The following MRTFB variants were observed in gnomAD, a reference collection of about 807,000 sequenced individuals.
The protein encoded by MRTFB is myocardin-related transcription factor B.
In MRTFB, 29 loss-of-function variants were observed where a neutral mutation model predicts 104.2. That is an observed-to-expected ratio of 0.28 (90% CI 0.21 to 0.38). The LOEUF is 0.38. Among genes scored for constraint, MRTFB ranks in the 10% least tolerant of loss-of-function variants. The probability of loss-of-function intolerance (pLI) is 1.00; values close to 1 mark genes in which losing one functional copy is unlikely to be tolerated. For missense variants in MRTFB, 1,270 were observed against 1,341.6 expected, an observed-to-expected ratio of 0.95 and a Z score of 0.83; for synonymous variants, 535 against 519.5, an observed-to-expected ratio of 1.03 and a Z score of -0.41.
chr16:14,175,210 G>A (rs983096059), intron 3 of MRTFB, among the ~76,000 whole-genome samples: 3 of 152,110 alleles, frequency 2.0e-5, no homozygotes, highest in Non-Finnish European at 4.4e-5. Context: ...AAGGATTCAA[G>A]TTGAAGAATT....
At chr16:14,077,643 T>G (rs1282255485) in intron 1 of MRTFB, among the ~76,000 whole-genome samples, 1 of 152,106 alleles carries the variant, frequency 6.6e-6, no homozygotes, top group Non-Finnish European at 1.5e-5. Flanking sequence ...TAAAATCTAT[T>G]TGACTTCTCT....
intron 7 of MRTFB, 65 bp from the exon 8 acceptor site, chr16:14,218,755 C>T: frequency 7.5e-6 from 11 of 1,459,010 alleles, no homozygotes; most frequent in Middle Eastern, 2.2e-4. Context: ...TGTTTTCCTC[C>T]TTCACATTAA....
At chr16:14,024,120 C>G in the MRTFB span, among the ~76,000 whole-genome samples, 2 of 151,918 alleles carry the variant, frequency 1.3e-5, no homozygotes, top group South Asian at 4.2e-4. Flanking sequence ...ACCTTATTAT[C>G]AGCAATCACA....
In MRTFB at chr16:14,251,954, C is replaced by T. The variant is rs1231275433; in HGVS notation, c.2496C>T (p.Ser832=). The change falls in exon 14 of 17, where the codon TCC becomes TCT. Residue 832 remains serine (S), a synonymous_variant. Coordinates refer to ENST00000571589, the MANE Select transcript of MRTFB (RefSeq NM_001308142.2). ...AVQQPFINKA[S]NSVLQSRNAP... is the part of the protein sequence containing the mutation. ...AGCAGCCCTTTATCAATAAGGCCTCCAACAGTGTTCTTCAATCCAGAAATG... is the reference window on the plus strand; with the variant it reads ...AGCAGCCCTTTATCAATAAGGCCTCTAACAGTGTTCTTCAATCCAGAAATG... The T allele has an allele frequency of 1.2e-6, 2 of 1,614,054 alleles. No homozygotes were observed. Among genetic ancestry groups the T allele is most frequent in the Non-Finnish European group, 1.7e-6 (2 of 1,180,020 alleles).
Position 14,246,900 on chromosome 16 carries a change from CAAATAATGA to C in MRTFB, c.1642_1650del (p.Asn548_Glu550del). 1.9e-6 allele frequency: 3 copies of C among 1,613,738 alleles called. No homozygotes were observed. Among genetic ancestry groups the C allele is most frequent in the Non-Finnish European group, 2.5e-6 (3 of 1,180,026 alleles). ...TTGAGTTCATCTCCTTTGAGAATGA[CAAATAATGA>C]AGACAGTCTGAGTCCCACCAGCAGC... On this transcript the variant is annotated inframe_deletion, in exon 12 of 17. Transcript: ENST00000571589.
At chr16:14,231,300 A>G (rs1227204580) in intron 8 of MRTFB, among the ~76,000 whole-genome samples, 1 of 152,098 alleles carries the variant, frequency 6.6e-6, no homozygotes, top group Non-Finnish European at 1.5e-5. Context: ...AAAATAAAAA[A>G]TAAAAATAAA....
At chr16:14,231,204 A>C (rs2071731195) in intron 8 of MRTFB, among the ~76,000 whole-genome samples, 1 of 151,812 alleles carries the variant, frequency 6.6e-6, no homozygotes, top group African/African-American at 2.4e-5. Flanking sequence ...TAATGGGTGC[A>C]GCACACCAAC....
At position 14,179,009 on chromosome 16, in the gene MRTFB, C is replaced by T. The variant is rs542244257; in HGVS notation, c.155-31234C>T. ...CCACCCACCTTAGCCTCCCAAAGTGCGGGAATTACAGGCATGAGCCACCAC... is the reference window on the plus strand; with the variant it reads ...CCACCCACCTTAGCCTCCCAAAGTGTGGGAATTACAGGCATGAGCCACCAC... On this transcript the variant is annotated intron_variant, in intron 3 of 16. Coordinates refer to ENST00000571589, the MANE Select transcript of MRTFB (RefSeq NM_001308142.2). 4.2e-4 allele frequency among the ~76,000 whole-genome samples: 64 copies of T among 152,226 alleles called. 1 individual carries two copies. The highest frequency in any genetic ancestry group is 6.8e-3 in the Middle Eastern group (2 of 294).
At chr16:14,241,636 G>A (rs570344069) in intron 10 of MRTFB, among the ~76,000 whole-genome samples, 25 of 149,544 alleles carry the variant, frequency 1.7e-4, no homozygotes, top group African/African-American at 4.4e-4. Context: ...TCTACATGTC[G>A]CGTAAGCATT....
chr16:14,070,449 C>T (rs144575572), upstream of MRTFB, among the ~76,000 whole-genome samples: 327 of 152,326 alleles, frequency 2.1e-3, 1 homozygote, highest in African/African-American at 7.3e-3. Context: ...ATTCTCTGTC[C>T]TGTGTGCCAT....
intron 8 of MRTFB, among the ~76,000 whole-genome samples, chr16:14,227,559 T>C (rs1373483847): frequency 6.6e-6 from 1 of 152,196 alleles, no homozygotes; most frequent in Non-Finnish European, 1.5e-5. Flanking sequence ...TTGCCCAGGC[T>C]GGAGTGCAGT....
rs150548939 is a variant in MRTFB, at chr16:14,206,492, C to G, written c.155-3751C>G. ...CTGTACTTTTTATAAGTAGTAGTTG[C>G]TCTCAGAATAGCCTGTGTCAATTGT... is the stretch of plus-strand genomic sequence containing the variant. On this transcript the variant is annotated intron_variant, in intron 3 of 16. Transcript: ENST00000571589. Among the ~76,000 whole-genome samples the G allele has an allele frequency of 1.6e-4, 24 of 152,336 alleles. No individual in the cohort carries two copies. The East Asian group carries it at 4.2e-3, about 27-fold the overall frequency.
intron 2 of MRTFB, among the ~76,000 whole-genome samples, chr16:14,133,230 G>C (rs1467050558): frequency 1.3e-5 from 2 of 152,170 alleles, no homozygotes; most frequent in African/African-American, 4.8e-5. Flanking sequence ...GTATCAGAAG[G>C]CTGGCAAATG....
intron 3 of MRTFB, among the ~76,000 whole-genome samples, chr16:14,203,111 A>T (rs2040780959): frequency 6.6e-6 from 1 of 152,002 alleles, no homozygotes; most frequent in African/African-American, 2.4e-5. Flanking sequence ...ATCTTCAGAG[A>T]TGGTTCATCT....
At position 14,249,058 on chromosome 16, in the gene MRTFB, A is replaced by C; in HGVS notation, c.2380A>C (p.Ser794Arg). ...AGACACGTTCCCGCAGCATGTGCTC[A>C]GTCAGCCTCAACAAGTCAGAAAGGT... ...TQDTFPQHVLSQPQQVRKVFT... is the reference protein window; with the variant it reads ...TQDTFPQHVLRQPQQVRKVFT... The change falls in exon 13 of 17, where the codon AGT becomes CGT. Residue 794 changes from serine (S) to arginine (R), a missense_variant. Physicochemically the swap from Ser to Arg is moderately radical, Grantham distance 110. Coordinates refer to ENST00000571589, the MANE Select transcript of MRTFB (RefSeq NM_001308142.2). 1 of 1,614,118 alleles carries C rather than the reference A, an allele frequency of 6.2e-7. No individual in the cohort carries two copies. The highest frequency in any genetic ancestry group is 8.5e-7 in the Non-Finnish European group (1 of 1,180,016).
chr16:14,046,423 C>T, the MRTFB span, among the ~76,000 whole-genome samples: 1 of 152,158 alleles, frequency 6.6e-6, no homozygotes, highest in Admixed American at 6.5e-5. Context: ...GAATCTCCAT[C>T]CCTATAAACT....
At chr16:14,141,945 TCTCCTGCCTCAGC>T (rs1333247927) in intron 3 of MRTFB, 1 of 151,794 alleles carries the variant, frequency 6.6e-6, no homozygotes, top group Non-Finnish European at 1.5e-5. Flanking sequence ...TTCAAGTGAT[TCTCCTGCCTCAGC>T]CTCCTGAGTA....
intron 2 of MRTFB, among the ~76,000 whole-genome samples, chr16:14,128,271 C>CT (rs1756644606): frequency 6.6e-6 from 1 of 152,100 alleles, no homozygotes; most frequent in South Asian, 2.1e-4. Flanking sequence ...TTAGCGTGAT[C>CT]TGAGAGTGGA....
At chr16:14,046,070 A>G in the MRTFB span, among the ~76,000 whole-genome samples, 1 of 152,100 alleles carries the variant, frequency 6.6e-6, no homozygotes, top group Admixed American at 6.6e-5. Context: ...GGAAAGAAAA[A>G]CTGTGGGGTC....
Sources: allele counts gnomAD v4.1 joint callset (sites outside exome capture counted in the v4.1 genomes callset), GRCh38; gene constraint gnomAD v4.1.1; transcripts MANE v1.5; gene names NCBI Gene and HGNC (gene_info 2026-07-23, HGNC 2026-07-21).